Variants in TMEM117 observed in about 807,000 individuals in gnomAD.
TMEM117 encodes the protein transmembrane protein 117.
Under a neutral mutation model 52.4 loss-of-function variants are expected in TMEM117, and 27 were observed. That is an observed-to-expected ratio of 0.51 (90% CI 0.38 to 0.71). The LOEUF is 0.71. Ranked by LOEUF, TMEM117 falls within the 30% of genes least tolerant of loss-of-function variation. The probability of loss-of-function intolerance (pLI) is 0.00; values close to 1 mark genes in which losing one functional copy is unlikely to be tolerated. For missense variants in TMEM117, 556 were observed against 630.5 expected, an observed-to-expected ratio of 0.88 and a Z score of 1.26; for synonymous variants, 215 against 206.3, an observed-to-expected ratio of 1.04 and a Z score of -0.36.
At chr12:43,914,386 A>C (rs573525659) in intron 2 of TMEM117, among the ~76,000 whole-genome samples, 1 of 152,208 alleles carries the variant, frequency 6.6e-6, no homozygotes, top group South Asian at 2.1e-4. Flanking sequence ...TTGTGATCAC[A>C]TTTTGTTCTT....
At chr12:43,982,158 T>A (rs1945770984) in intron 3 of TMEM117, among the ~76,000 whole-genome samples, 2 of 152,200 alleles carry the variant, frequency 1.3e-5, no homozygotes, top group African/African-American at 2.4e-5. Flanking sequence ...ATGAAAAATT[T>A]AAAAATTTCA....
chr12:44,191,588 T>C (rs1317954000), intron 4 of TMEM117, among the ~76,000 whole-genome samples: 1 of 152,146 alleles, frequency 6.6e-6, no homozygotes, highest in African/African-American at 2.4e-5. Context: ...TTGAATATAT[T>C]TTACTGATTC....
At chr12:44,275,543 T>C (rs113933681) in intron 5 of TMEM117, among the ~76,000 whole-genome samples, 11 of 152,058 alleles carry the variant, frequency 7.2e-5, no homozygotes, top group African/African-American at 2.4e-4. Flanking sequence ...TTGGAAGCAA[T>C]GTAAGTGTTC....
At chr12:44,339,720 C>T (rs761264522) in intron 6 of TMEM117, among the ~76,000 whole-genome samples, 2 of 151,612 alleles carry the variant, frequency 1.3e-5, no homozygotes, top group Non-Finnish European at 2.9e-5. Context: ...TGTGAAAAAG[C>T]CCTTAAAAAT....
intron 3 of TMEM117, among the ~76,000 whole-genome samples, chr12:44,107,837 TG>T (rs1277727476): frequency 6.6e-6 from 1 of 152,154 alleles, no homozygotes; most frequent in Non-Finnish European, 1.5e-5. Context: ...CAAAACTTTT[TG>T]TTTTCATATT....
chr12:44,232,649 G>A (rs80233866), intron 5 of TMEM117, among the ~76,000 whole-genome samples: 2 of 150,990 alleles, frequency 1.3e-5, no homozygotes, highest in African/African-American at 4.8e-5. Context: ...TTGGAATTTC[G>A]ACTACAATTT....
chr12:43,898,696 TTACTTCACAA>T (rs1277358966), intron 2 of TMEM117, among the ~76,000 whole-genome samples: 1 of 152,188 alleles, frequency 6.6e-6, no homozygotes, highest in African/African-American at 2.4e-5. Context: ...GTTAAATAAC[TTACTTCACAA>T]TGTACAACAC....
chr12:43,813,243 T>TG, the TMEM117 span, among the ~76,000 whole-genome samples: 1 of 132,574 alleles, frequency 7.5e-6, no homozygotes, highest in Non-Finnish European at 1.6e-5. Flanking sequence ...TTTTTTTTTT[T>TG]TTTTTTTTTT....
At chr12:44,327,335 G>A (rs1022543010) in intron 6 of TMEM117, among the ~76,000 whole-genome samples, 1 of 152,144 alleles carries the variant, frequency 6.6e-6, no homozygotes, top group Non-Finnish European at 1.5e-5. Context: ...TAAATAAAAG[G>A]AAAAGAATTA....
At chr12:44,348,843 A>G (rs1470042649) in intron 6 of TMEM117, among the ~76,000 whole-genome samples, 1 of 151,948 alleles carries the variant, frequency 6.6e-6, no homozygotes, top group East Asian at 2.0e-4. Flanking sequence ...CCCTTTTCCC[A>G]AAAGAGTTTG....
At chr12:44,146,832 T>C (rs1247241032) in intron 4 of TMEM117, among the ~76,000 whole-genome samples, 1 of 152,212 alleles carries the variant, frequency 6.6e-6, no homozygotes, top group Non-Finnish European at 1.5e-5. Context: ...ACAATCAAAG[T>C]GTGTCTTTTA....
intron 2 of TMEM117, among the ~76,000 whole-genome samples, chr12:43,891,301 C>T (rs1055365477): frequency 8.1e-5 from 12 of 149,052 alleles, no homozygotes; most frequent in African/African-American, 3.0e-4. Flanking sequence ...ACAGTCTTAA[C>T]TTTTCCAGAT....
At chr12:44,322,450 T>C (rs961279946) in intron 6 of TMEM117, among the ~76,000 whole-genome samples, 1 of 152,182 alleles carries the variant, frequency 6.6e-6, no homozygotes, top group Non-Finnish European at 1.5e-5. Context: ...AAAGGTTTCC[T>C]GATTCCCTTA....
intron 5 of TMEM117, among the ~76,000 whole-genome samples, chr12:44,224,778 A>G (rs138905507): frequency 7.9e-5 from 12 of 152,240 alleles, no homozygotes; most frequent in African/African-American, 2.9e-4. Context: ...ATTTTGCTAT[A>G]AGAAATCAGT....
chr12:44,140,569 T>C (rs1415944962), intron 3 of TMEM117, among the ~76,000 whole-genome samples: 1 of 152,132 alleles, frequency 6.6e-6, no homozygotes, highest in East Asian at 1.9e-4. Context: ...TTTTGAATGA[T>C]GGACAGATAT....
intron 3 of TMEM117, among the ~76,000 whole-genome samples, chr12:43,993,759 A>G (rs1304153494): frequency 2.6e-5 from 4 of 152,080 alleles, no homozygotes; most frequent in Non-Finnish European, 5.9e-5. Context: ...CAGTGGTACA[A>G]TCTTGGCTCA....
In TMEM117 at chr12:44,275,700, A is replaced by T. The variant is rs535731845; in HGVS notation, c.609-23880A>T. ...TTAAGTGAAATAAGCCAAGCACACAAATAAGAACATCGCATGTTTTCACTT... is the reference window on the plus strand; with the variant it reads ...TTAAGTGAAATAAGCCAAGCACACATATAAGAACATCGCATGTTTTCACTT... On this transcript the variant is annotated intron_variant, in intron 5 of 7. Transcript: ENST00000266534. Among the ~76,000 whole-genome samples, 13 of 152,244 alleles carry T rather than the reference A, an allele frequency of 8.5e-5. No homozygotes were observed. The East Asian group carries it at 2.3e-3, about 27-fold the overall frequency.
chr12:44,388,708 AC>A lies in TMEM117; in HGVS notation c.*38del. The A allele has an allele frequency of 6.3e-7, 1 of 1,589,310 alleles. No individual in the cohort carries two copies. The highest frequency in any genetic ancestry group is 1.1e-5 in the South Asian group (1 of 87,696). On this transcript the variant is annotated 3_prime_UTR_variant, in exon 8 of 8. Coordinates refer to ENST00000266534, the MANE Select transcript of TMEM117 (RefSeq NM_032256.3). ...AGACTTGGAGATAACACAAAAAGCAACCTTGAGTGTAACTTTAAAAATTTAG... is the reference window on the plus strand; with the variant it reads ...AGACTTGGAGATAACACAAAAAGCAACTTGAGTGTAACTTTAAAAATTTAG...
intron 2 of TMEM117, among the ~76,000 whole-genome samples, chr12:43,934,093 TA>T (rs1280974360): frequency 6.6e-6 from 1 of 151,854 alleles, no homozygotes. Flanking sequence ...TAATTTCACT[TA>T]GTAGTAAAAT....
Sources: gnomAD v4.1 joint callset for allele counts (sites outside exome capture counted in the v4.1 genomes callset) on GRCh38, gnomAD v4.1.1 for gene constraint, MANE v1.5 for transcripts, NCBI Gene and HGNC (gene_info 2026-07-23, HGNC 2026-07-21) for gene names.